The following ERRFI1 variants were observed in gnomAD, a reference collection of about 807,000 sequenced individuals.
The protein encoded by ERRFI1 is mitogen-inducible gene 6 protein.
Under a neutral mutation model 14.6 loss-of-function variants are expected in ERRFI1, and 12 were observed. That is an observed-to-expected ratio of 0.82 (90% CI 0.53 to 1.33). ERRFI1 has a LOEUF of 1.33. Ranked by LOEUF, ERRFI1 falls within the 40% of genes most tolerant of loss-of-function variation. The pLI, the probability that ERRFI1 is intolerant of heterozygous loss-of-function variation, is 0.00. For missense variants in ERRFI1, 482 were observed against 572.1 expected, an observed-to-expected ratio of 0.84 and a Z score of 1.61; for synonymous variants, 202 against 209.9, an observed-to-expected ratio of 0.96 and a Z score of 0.32.
intron 1 of ERRFI1, among the ~76,000 whole-genome samples, chr1:8,020,179 G>GAGGAGGAGGGGC (rs1490143041): frequency 6.6e-6 from 1 of 152,082 alleles, no homozygotes; most frequent in Non-Finnish European, 1.5e-5. Context: ...CCATCCATGG[G>GAGGAGGAGGGGC]AGGAGGAGGG....
chr1:8,013,648 G>T lies in ERRFI1; in HGVS notation c.951C>A (p.Pro317=). 1.2e-6 allele frequency: 2 copies of T among 1,614,138 alleles called. No individual in the cohort carries two copies. Among genetic ancestry groups the T allele is most frequent in the Non-Finnish European group, 1.7e-6 (2 of 1,180,032 alleles). ...ACAAAGGTTCTCTTGGCGGTACTTT[G>T]GGAGGCCTGTCTTCATCACTATAGG... is the stretch of plus-strand genomic sequence containing the variant. ...SSTYSDEDRP[P]KVPPREPLSP... is the part of the protein sequence containing the mutation. Residue 317 remains proline (P), a synonymous_variant, in exon 4 of 4, where the codon CCC becomes CCA. Coordinates refer to ENST00000377482, the MANE Select transcript of ERRFI1 (RefSeq NM_018948.4). This position sits in a 1 kb window ranked among gnomAD's most constrained non-coding sequence, Gnocchi z 4.3.
chr1:8,023,191 C>T (rs1475911965), intron 1 of ERRFI1, among the ~76,000 whole-genome samples: 1 of 152,202 alleles, frequency 6.6e-6, no homozygotes, highest in African/African-American at 2.4e-5. Context: ...TGAATAAGAG[C>T]TTTTGGATAA....
intron 1 of ERRFI1, among the ~76,000 whole-genome samples, chr1:8,020,096 A>ATGCAG (rs1641254800): frequency 1.3e-5 from 2 of 151,992 alleles, no homozygotes; most frequent in South Asian, 4.1e-4. Flanking sequence ...AAAAAGAAAA[A>ATGCAG]TGCAGGCTAC....
At chr1:8,016,884 G>T (rs1016667524) in intron 1 of ERRFI1, among the ~76,000 whole-genome samples, 1 of 151,800 alleles carries the variant, frequency 6.6e-6, no homozygotes, top group African/African-American at 2.4e-5. Context: ...CATTTGCTGT[G>T]GGGGAGAGGT....
Position 8,014,272 on chromosome 1 carries a change from A to G in ERRFI1, c.327T>C (p.Asp109=). ...PSENLGPHEE[D]QVVCGFKKLT... ...GTTTCTTAAAACCACATACAACTTGATCCTCTTCATGTGGTCCCAAGTTTT... is the reference window on the plus strand; with the variant it reads ...GTTTCTTAAAACCACATACAACTTGGTCCTCTTCATGTGGTCCCAAGTTTT... Residue 109 remains aspartate (D), a synonymous_variant, in exon 4 of 4, where the codon GAT becomes GAC. Coordinates refer to ENST00000377482, the MANE Select transcript of ERRFI1 (RefSeq NM_018948.4). The G allele has an allele frequency of 6.2e-7, 1 of 1,614,196 alleles. No individual in the cohort carries two copies. The highest frequency in any genetic ancestry group is 1.1e-5 in the South Asian group (1 of 91,082).
chr1:8,022,876 G>T (rs958594073), intron 1 of ERRFI1, among the ~76,000 whole-genome samples: 1 of 152,160 alleles, frequency 6.6e-6, no homozygotes, highest in African/African-American at 2.4e-5. Flanking sequence ...AAATAGAGAT[G>T]GCTGCTGCCT....
rs757229796 is a variant in ERRFI1 at position 8,013,226 on chromosome 1, T to C, written c.1373A>G (p.Tyr458Cys). Residue 458 changes from tyrosine to cysteine, a missense_variant, in exon 4 of 4, where the codon TAT (tyrosine) becomes TGT (cysteine). Coordinates refer to ENST00000377482, the MANE Select transcript of ERRFI1 (RefSeq NM_018948.4). This position sits in a 1 kb window ranked among gnomAD's most constrained non-coding sequence, Gnocchi z 4.3. ...CCCCAAGGTCTAAGGAGAAACCACA[T>C]AGGATAAATGTTTACGCTTCACGTG... is the stretch of plus-strand genomic sequence containing the variant. ...GGHVKRKHLS[Y>C]VVSP The C allele has an allele frequency of 7.5e-6, 12 of 1,610,308 alleles. No individual in the cohort carries two copies. Among genetic ancestry groups the C allele is most frequent in the Middle Eastern group, 1.7e-4 (1 of 6,048 alleles).
At position 8,013,029 on chromosome 1, in the gene ERRFI1, C is replaced by T. The variant is rs1258244078; in HGVS notation, c.*181G>A. 3 of 584,896 alleles carry T rather than the reference C, an allele frequency of 5.1e-6. No homozygotes were observed. The highest frequency in any genetic ancestry group is 8.7e-6 in the Non-Finnish European group (3 of 343,048). 36.2% of individuals were successfully genotyped at this position (584,896 alleles called of 1,614,324 possible). A position where few individuals can be genotyped will look rare whatever the true frequency, so the allele number is the denominator to read the frequency against. ...TTGTAAGACTTTTTTCCAACACTAACAAAGTCAGGGTTTCTCAGCATAACA... is the reference window on the plus strand; with the variant it reads ...TTGTAAGACTTTTTTCCAACACTAATAAAGTCAGGGTTTCTCAGCATAACA... On this transcript the variant is annotated 3_prime_UTR_variant, in exon 4 of 4. Transcript: ENST00000377482. This position sits in a 1 kb window ranked among gnomAD's most constrained non-coding sequence, Gnocchi z 4.3.
intron 1 of ERRFI1, among the ~76,000 whole-genome samples, chr1:8,016,129 T>C (rs1392678176): frequency 2.0e-5 from 3 of 152,212 alleles, no homozygotes; most frequent in Non-Finnish European, 4.4e-5. Flanking sequence ...GAAGCCACTG[T>C]ATTTTATGCT....
rs2124060660 is a variant in ERRFI1, at chr1:8,014,106, C to T, written c.493G>A (p.Asp165Asn). 1.2e-6 allele frequency: 2 copies of T among 1,614,114 alleles called. No individual in the cohort carries two copies. The highest frequency in any genetic ancestry group is 1.7e-6 in the Non-Finnish European group (2 of 1,180,038). The change falls in exon 4 of 4, where the codon GAT becomes AAT. Residue 165 changes from aspartate to asparagine, a missense_variant. Physicochemically the swap from Asp to Asn is conservative, Grantham distance 23 (BLOSUM62 1). Coordinates refer to ENST00000377482, the MANE Select transcript of ERRFI1 (RefSeq NM_018948.4). Reference sequence around the variant, plus strand: ...AATTCCACCTCACAGTCTGTGTCATCCAGAGAGAGGGCTTCAGAGATTGGC... The same window carrying T: ...AATTCCACCTCACAGTCTGTGTCATTCAGAGAGAGGGCTTCAGAGATTGGC... ...PLPISEALSL[D>N]DTDCEVEFLT...
intron 1 of ERRFI1, among the ~76,000 whole-genome samples, chr1:8,019,072 T>C (rs1557466567): frequency 6.6e-6 from 1 of 152,310 alleles, no homozygotes; most frequent in East Asian, 1.9e-4. Flanking sequence ...GTACATTCAA[T>C]TGCCAAGTTC....
At chr1:8,018,800 G>C (rs1641236169) in intron 1 of ERRFI1, among the ~76,000 whole-genome samples, 1 of 152,152 alleles carries the variant, frequency 6.6e-6, no homozygotes, top group East Asian at 1.9e-4. Flanking sequence ...TTTGCTTCTT[G>C]AGGTTATCCT....
In ERRFI1 at chr1:8,012,381, A is replaced by C. The variant is rs1015917775; in HGVS notation, c.*829T>G. On this transcript the variant is annotated 3_prime_UTR_variant, in exon 4 of 4. Transcript: ENST00000377482. ...ACACTGGCACCTAGAATACTTTTCCATCTGAGTCTAACGTACCCCACTGCC... is the reference window on the plus strand; with the variant it reads ...ACACTGGCACCTAGAATACTTTTCCCTCTGAGTCTAACGTACCCCACTGCC... 4.8e-5 allele frequency: 11 copies of C among 230,972 alleles called. No individual in the cohort carries two copies. Among genetic ancestry groups the C allele is most frequent in the Non-Finnish European group, 7.7e-5 (9 of 116,362 alleles). 14.3% of individuals were successfully genotyped at this position (230,972 alleles called of 1,614,324 possible). A position where few individuals can be genotyped will look rare whatever the true frequency, so the allele number is the denominator to read the frequency against.
rs1355685925 is a variant in ERRFI1 at position 8,013,966 on chromosome 1, A to G, written c.633T>C (p.Tyr211=). 4 of 1,614,072 alleles carry G rather than the reference A, an allele frequency of 2.5e-6. No individual in the cohort carries two copies. Among genetic ancestry groups the G allele is most frequent in the Non-Finnish European group, 3.4e-6 (4 of 1,180,040 alleles). The stretch of plus-strand genomic sequence containing the variant: ...CTGCAGAAACAGCTGGGGTATCAAA[A>G]TATGCATAGTTGATTTGTCCACACC... ...FRGCGQINYA[Y]FDTPAVSAAD... The change falls in exon 4 of 4, where the codon TAT becomes TAC. Residue 211 remains tyrosine (Y), a synonymous_variant. Transcript: ENST00000377482. The surrounding 1 kb of genome is among the most constrained non-coding windows in gnomAD (Gnocchi z 4.3).
rs1389245130 is a variant in ERRFI1, at chr1:8,012,650, G to C, written c.*560C>G. 1 of 229,402 alleles carries C rather than the reference G, an allele frequency of 4.4e-6. No individual in the cohort carries two copies. The highest frequency in any genetic ancestry group is 8.6e-6 in the Non-Finnish European group (1 of 115,794). The allele number at this position is 229,402 out of a possible 1,614,324, so 14.2% of individuals were successfully genotyped here. A position where few individuals can be genotyped will look rare whatever the true frequency, so the allele number is the denominator to read the frequency against. On this transcript the variant is annotated 3_prime_UTR_variant, in exon 4 of 4. Coordinates refer to ENST00000377482, the MANE Select transcript of ERRFI1 (RefSeq NM_018948.4). ...GCAGGTACACCCATGGTAAAGAATGGATACCCTGCCCTCCATGGAAAAGAT... is the reference window on the plus strand; with the variant it reads ...GCAGGTACACCCATGGTAAAGAATGCATACCCTGCCCTCCATGGAAAAGAT...
chr1:8,013,937 T>G lies in ERRFI1; in HGVS notation c.662A>C (p.Asp221Ala). Residue 221 changes from aspartate (D) to alanine (A), a missense_variant, in exon 4 of 4, where the codon GAT becomes GCT. Transcript: ENST00000377482. This position sits in a 1 kb window ranked among gnomAD's most constrained non-coding sequence, Gnocchi z 4.3. ...YFDTPAVSAA[D>A]LSYVSDQNGG... ...ATTTTGGTCAGACACATAGCTGAGA[T>G]CTGCTGCAGAAACAGCTGGGGTATC... 1 of 1,614,182 alleles carries G rather than the reference T, an allele frequency of 6.2e-7. No individual in the cohort carries two copies. Among genetic ancestry groups the G allele is most frequent in the Non-Finnish European group, 8.5e-7 (1 of 1,180,032 alleles).
intron 1 of ERRFI1, among the ~76,000 whole-genome samples, chr1:8,023,492 T>A (rs919596165): frequency 6.6e-6 from 1 of 152,172 alleles, no homozygotes; most frequent in Non-Finnish European, 1.5e-5. Flanking sequence ...TTGCCCAGGT[T>A]GGTCTCATAC....
chr1:8,021,755 G>C (rs1438037537), intron 1 of ERRFI1, among the ~76,000 whole-genome samples: 1 of 152,094 alleles, frequency 6.6e-6, no homozygotes, highest in Non-Finnish European at 1.5e-5. Flanking sequence ...AATGCCATAA[G>C]GTGGGCTACT....
intron 1 of ERRFI1, among the ~76,000 whole-genome samples, chr1:8,024,968 C>T (rs1328637835): frequency 1.3e-5 from 2 of 152,082 alleles, no homozygotes; most frequent in Non-Finnish European, 2.9e-5. Flanking sequence ...GATGTTCAGT[C>T]TCAACAAATG....
Sources: allele counts gnomAD v4.1 joint callset (sites outside exome capture counted in the v4.1 genomes callset), GRCh38; gene constraint gnomAD v4.1.1; non-coding constraint Gnocchi (gnomAD v3.1); transcripts MANE v1.5; gene names NCBI Gene and HGNC (gene_info 2026-07-23, HGNC 2026-07-21).